NEDD4: variants seen among roughly 807,000 people sequenced by gnomAD.
NEDD4 encodes the protein NEDD4 E3 ubiquitin protein ligase.
In NEDD4, 99 loss-of-function variants were observed where a neutral mutation model predicts 144.9. The observed-to-expected ratio is 0.68, with a 90% CI of 0.58 to 0.81. NEDD4 has a LOEUF of 0.81. Ranked by LOEUF, NEDD4 falls within the 30% of genes least tolerant of loss-of-function variation. The pLI is 0.00. For synonymous variants in NEDD4, 318 were observed against 350.6 expected (o/e 0.91, Z 1.04); for missense variants, 985 against 1,065.9 (o/e 0.92, Z 1.06).
chr15:55,835,523 G>A (rs915723858), intron 24 of NEDD4, among the ~76,000 whole-genome samples: 1 of 147,890 alleles, frequency 6.8e-6, no homozygotes, highest in Admixed American at 6.9e-5. Flanking sequence ...CTCTCCACAT[G>A]TGAGGCCATC....
chr15:55,880,755 A>G (rs1424840992), intron 5 of NEDD4, among the ~76,000 whole-genome samples: 2 of 152,182 alleles, frequency 1.3e-5, no homozygotes, highest in Non-Finnish European at 2.9e-5. Context: ...TGGAGCAGGA[A>G]GACAGCTACG....
chr15:55,864,424 A>G (rs1472284330), intron 8 of NEDD4, among the ~76,000 whole-genome samples: 1 of 151,758 alleles, frequency 6.6e-6, no homozygotes, highest in Non-Finnish European at 1.5e-5. Context: ...GCTCAGGCCT[A>G]TAATTCCAGC....
At chr15:55,957,839 G>A (rs1244503127) in intron 2 of NEDD4, among the ~76,000 whole-genome samples, 3 of 152,082 alleles carry the variant, frequency 2.0e-5, no homozygotes, top group Non-Finnish European at 4.4e-5. Flanking sequence ...GGGTGAAGCT[G>A]GAAACCATCA....
intron 5 of NEDD4, among the ~76,000 whole-genome samples, chr15:55,917,290 G>GC (rs1220934393): frequency 6.6e-6 from 1 of 152,138 alleles, no homozygotes; most frequent in Non-Finnish European, 1.5e-5. Context: ...GAATCACAGT[G>GC]CCTATACTTT....
At chr15:55,900,580 A>G (rs2035881812) in intron 5 of NEDD4, among the ~76,000 whole-genome samples, 1 of 152,190 alleles carries the variant, frequency 6.6e-6, no homozygotes, top group South Asian at 2.1e-4. Context: ...AAGGTTAAAA[A>G]ATATCCTAAG....
chr15:55,946,649 A>C (rs2142289463), intron 4 of NEDD4, among the ~76,000 whole-genome samples: 1 of 152,332 alleles, frequency 6.6e-6, no homozygotes, highest in East Asian at 1.9e-4. Context: ...GCTCTGCACC[A>C]AGTGGACCAA....
At chr15:55,832,255 A>C (rs562162165) in intron 27 of NEDD4, among the ~76,000 whole-genome samples, 29 of 152,116 alleles carry the variant, frequency 1.9e-4, no homozygotes, top group Middle Eastern at 3.4e-3. Context: ...TCTAACAGTA[A>C]AGGTTCTACA....
intron 2 of NEDD4, among the ~76,000 whole-genome samples, chr15:55,965,335 A>G (rs12442946): frequency 0.13 from 20,375 of 151,906 alleles, 1,482 homozygotes; most frequent in East Asian, 0.32. Flanking sequence ...CCATGTAGCC[A>G]GGAGTACAGG....
At chr15:55,906,621 G>A (rs527816424) in intron 5 of NEDD4, among the ~76,000 whole-genome samples, 12 of 151,414 alleles carry the variant, frequency 7.9e-5, no homozygotes, top group Non-Finnish European at 1.3e-4. Flanking sequence ...ATCACACACC[G>A]GGGCCTGTTG....
At chr15:55,925,657 T>C (rs1339859987) in intron 4 of NEDD4, among the ~76,000 whole-genome samples, 2 of 152,280 alleles carry the variant, frequency 1.3e-5, no homozygotes, top group Non-Finnish European at 1.5e-5. Context: ...TCTTAAAACA[T>C]TGGTGTACAT....
intron 11 of NEDD4, among the ~76,000 whole-genome samples, chr15:55,857,203 CTA>C (rs2034229358): frequency 2.6e-5 from 4 of 152,130 alleles, no homozygotes; most frequent in African/African-American, 9.7e-5. Context: ...GAAAAAGTTT[CTA>C]TATATGTATG....
At chr15:55,942,152 T>A (rs2037019172) in intron 4 of NEDD4, among the ~76,000 whole-genome samples, 2 of 152,226 alleles carry the variant, frequency 1.3e-5, no homozygotes, top group Non-Finnish European at 2.9e-5. Context: ...TCTGTCAATT[T>A]TGACTTCGTA....
intron 17 of NEDD4, among the ~76,000 whole-genome samples, chr15:55,847,421 T>C (rs532852203): frequency 2.6e-5 from 4 of 152,084 alleles, no homozygotes; most frequent in Non-Finnish European, 5.9e-5. Flanking sequence ...CTCCAAGGAG[T>C]TGCCTTTTTG....
At chr15:55,967,642 A>AT (rs1212841019) in intron 1 of NEDD4, among the ~76,000 whole-genome samples, 14 of 150,480 alleles carry the variant, frequency 9.3e-5, no homozygotes, top group African/African-American at 3.2e-4. Flanking sequence ...TAAAACATGT[A>AT]TATTTTTTAA....
intron 2 of NEDD4, among the ~76,000 whole-genome samples, chr15:55,964,708 T>C (rs2037483581): frequency 6.6e-6 from 1 of 150,910 alleles, no homozygotes; most frequent in Non-Finnish European, 1.5e-5. Context: ...TGTGTGTGTG[T>C]GTGTGTGTGT....
chr15:55,844,332 A>T (rs1401116860), intron 18 of NEDD4, among the ~76,000 whole-genome samples: 1 of 152,144 alleles, frequency 6.6e-6, no homozygotes, highest in Non-Finnish European at 1.5e-5. Flanking sequence ...GGTTCTCAGA[A>T]GCTGACGGGA....
chr15:55,989,476 C>A (rs1303747692), intron 1 of NEDD4, among the ~76,000 whole-genome samples: 1 of 152,130 alleles, frequency 6.6e-6, no homozygotes, highest in Non-Finnish European at 1.5e-5. Flanking sequence ...AGTTTGTTCC[C>A]AGACTGAGTA....
chr15:55,983,463 T>C (rs1457603413), intron 1 of NEDD4, among the ~76,000 whole-genome samples: 1 of 152,070 alleles, frequency 6.6e-6, no homozygotes, highest in African/African-American at 2.4e-5. Flanking sequence ...TTCGTCTCCA[T>C]CCCATCTTTT....
intron 2 of NEDD4, among the ~76,000 whole-genome samples, chr15:55,957,138 T>G (rs908445445): frequency 2.6e-5 from 4 of 152,250 alleles, no homozygotes; most frequent in Non-Finnish European, 5.9e-5. Flanking sequence ...ATACAAACAC[T>G]GACTTTGCAT....
Sources: allele counts gnomAD v4.1 joint callset (sites outside exome capture counted in the v4.1 genomes callset), GRCh38; gene constraint gnomAD v4.1.1; transcripts MANE v1.5; gene names NCBI Gene and HGNC (gene_info 2026-07-23, HGNC 2026-07-21).